The following KLF8 variants were observed in gnomAD, a reference collection of about 807,000 sequenced individuals.
The protein encoded by KLF8 is KLF transcription factor 8.
Under a neutral mutation model 18.2 loss-of-function variants are expected in KLF8, and 10 were observed. The observed-to-expected ratio is 0.55, with a 90% CI of 0.34 to 0.93. KLF8 has a LOEUF of 0.93. Among genes scored for constraint, KLF8 ranks in the 40% least tolerant of loss-of-function variants. KLF8 has a pLI of 0.02. For missense variants in KLF8, 264 were observed against 277.9 expected, an observed-to-expected ratio of 0.95 and a Z score of 0.36; for synonymous variants, 109 against 97.3, an observed-to-expected ratio of 1.12 and a Z score of -0.71.
At chrX:56,184,426 G>T in the KLF8 span, among the ~76,000 whole-genome samples, 1 of 112,581 alleles carries the variant, frequency 8.9e-6, no homozygotes, top group South Asian at 3.6e-4. Context: ...GCCTCTGTAG[G>T]CTCCACCTCT....
the KLF8 span, among the ~76,000 whole-genome samples, chrX:55,945,039 C>T: frequency 9.0e-6 from 1 of 111,228 alleles, no homozygotes; most frequent in South Asian, 3.9e-4. Context: ...TGTCTTTGTT[C>T]TCGTTGGTTT....
chrX:55,958,897 A>G, the KLF8 span, among the ~76,000 whole-genome samples: 3 of 112,316 alleles, frequency 2.7e-5, no homozygotes, highest in Non-Finnish European at 5.6e-5. Flanking sequence ...ACATGTGCTC[A>G]GACCCACCAC....
At chrX:56,036,324 G>C in the KLF8 span, among the ~76,000 whole-genome samples, 2 of 111,223 alleles carry the variant, frequency 1.8e-5, no homozygotes, top group African/African-American at 6.5e-5. Context: ...CTTACATTAA[G>C]GTCTCTGATC....
chrX:56,204,175 T>C, the KLF8 span, among the ~76,000 whole-genome samples: 1 of 111,914 alleles, frequency 8.9e-6, no homozygotes, highest in South Asian at 3.7e-4. Context: ...ATATAATTTT[T>C]TGTGTGGCCA....
chrX:56,286,786 T>G lies in KLF8; in HGVS notation c.*2292T>G, dbSNP rs929395900. 1 of 112,235 alleles carries G rather than the reference T, an allele frequency of 8.9e-6. No individual in the cohort carries two copies. Among genetic ancestry groups the G allele is most frequent in the Non-Finnish European group, 1.9e-5 (1 of 53,284 alleles). The allele number at this position is 112,235 out of a possible 1,213,427, so 9.2% of individuals were successfully genotyped here. ...ATTTCGATAGGGCTTTTTCCTGATTTTGGGTATACAAGTTCCAAACTTGCA... is the reference window on the plus strand; with the variant it reads ...ATTTCGATAGGGCTTTTTCCTGATTGTGGGTATACAAGTTCCAAACTTGCA... On this transcript the variant is annotated 3_prime_UTR_variant, in exon 6 of 6. Coordinates refer to ENST00000468660, the MANE Select transcript of KLF8 (RefSeq NM_007250.5).
At chrX:56,192,180 G>A in the KLF8 span, among the ~76,000 whole-genome samples, 6 of 111,353 alleles carry the variant, frequency 5.4e-5, no homozygotes, top group African/African-American at 2.0e-4. Flanking sequence ...AATGCCAAGA[G>A]GAAACCATCT....
At chrX:56,130,004 C>G in the KLF8 span, among the ~76,000 whole-genome samples, 6 of 110,493 alleles carry the variant, frequency 5.4e-5, no homozygotes, top group African/African-American at 2.0e-4. Context: ...CTCCCAACCC[C>G]CACAGCAGCC....
At chrX:56,167,435 A>T in the KLF8 span, among the ~76,000 whole-genome samples, 1 of 112,089 alleles carries the variant, frequency 8.9e-6, no homozygotes, top group African/African-American at 3.2e-5. Flanking sequence ...GGCCCACATT[A>T]CTTTCTAATT....
At chrX:56,046,170 C>T in the KLF8 span, among the ~76,000 whole-genome samples, 1 of 111,753 alleles carries the variant, frequency 8.9e-6, no homozygotes, top group Non-Finnish European at 1.9e-5. Context: ...ATATGTTAAA[C>T]CATCCTTGAA....
the KLF8 span, among the ~76,000 whole-genome samples, chrX:55,955,462 A>G: frequency 1.0e-5 from 1 of 97,846 alleles, no homozygotes; most frequent in Non-Finnish European, 1.9e-5. Flanking sequence ...TGAGCAGAGG[A>G]GTGATGTCAT....
At chrX:56,222,300 C>T in the KLF8 span, among the ~76,000 whole-genome samples, 2 of 109,685 alleles carry the variant, frequency 1.8e-5, no homozygotes, top group Non-Finnish European at 3.8e-5. Context: ...ATAGAGAGTG[C>T]CGATTGGTGT....
the KLF8 span, among the ~76,000 whole-genome samples, chrX:56,042,173 G>A: frequency 8.0e-5 from 9 of 111,954 alleles, no homozygotes; most frequent in African/African-American, 2.9e-4. Context: ...CAATTTCCAT[G>A]TACTTGTATG....
chrX:56,136,694 GC>G, the KLF8 span, among the ~76,000 whole-genome samples: 1 of 111,378 alleles, frequency 9.0e-6, no homozygotes, highest in Non-Finnish European at 1.9e-5. Context: ...ATAGGCATGG[GC>G]AAGGACTTCA....
upstream of KLF8, among the ~76,000 whole-genome samples, chrX:56,229,498 A>G (rs1275283126): frequency 3.6e-5 from 4 of 111,868 alleles, no homozygotes; most frequent in Non-Finnish European, 7.5e-5. Context: ...GGACAGGGAA[A>G]TTTATCAAAA....
At chrX:56,018,647 A>G in the KLF8 span, among the ~76,000 whole-genome samples, 3 of 111,164 alleles carry the variant, frequency 2.7e-5, no homozygotes, top group African/African-American at 9.8e-5. Context: ...ACACATATAC[A>G]TATTATTATA....
At chrX:56,274,391 C>T (rs1024870493) in intron 5 of KLF8, among the ~76,000 whole-genome samples, 3 of 111,647 alleles carry the variant, frequency 2.7e-5, no homozygotes, top group Non-Finnish European at 3.8e-5. Context: ...TTTTTGAACT[C>T]TTTGTATGTT....
chrX:56,187,186 G>A, the KLF8 span, among the ~76,000 whole-genome samples: 2 of 111,238 alleles, frequency 1.8e-5, no homozygotes, highest in African/African-American at 6.5e-5. Context: ...AATGATAAAG[G>A]GGATATCACC....
the KLF8 span, among the ~76,000 whole-genome samples, chrX:56,077,348 C>T: frequency 1.8e-5 from 2 of 111,972 alleles, no homozygotes; most frequent in Non-Finnish European, 3.8e-5. Context: ...CCAGTTTCAG[C>T]TTTCTACATA....
chrX:55,936,143 C>T, the KLF8 span, among the ~76,000 whole-genome samples: 3 of 111,746 alleles, frequency 2.7e-5, no homozygotes, highest in Non-Finnish European at 5.6e-5. Flanking sequence ...AAATACTAAA[C>T]CTGTTAAAAT....
Sources: gnomAD v4.1 joint callset for allele counts (sites outside exome capture counted in the v4.1 genomes callset) on GRCh38, gnomAD v4.1.1 for gene constraint, MANE v1.5 for transcripts, NCBI Gene and HGNC (gene_info 2026-07-23, HGNC 2026-07-21) for gene names.